The following DRC4 variants were observed in gnomAD, a reference collection of about 807,000 sequenced individuals.
DRC4 encodes the protein dynein regulatory complex subunit 4.
chr16:90,022,483 C>G, the DRC4 span: 1 of 451,400 alleles, frequency 2.2e-6, no homozygotes, highest in Non-Finnish European at 3.9e-6. Context: ...AAAACATGCC[C>G]TGCAGCGAAA....
chr16:90,028,173 A>ATTTTTTTTTTTTTTTTTTTTTTTTTTTT, the DRC4 span, among the ~76,000 whole-genome samples: 1 of 63,836 alleles, frequency 1.6e-5, no homozygotes, highest in African/African-American at 6.8e-5. Flanking sequence ...TTAATCGTTC[A>ATTTTTTTTTTTTTTTTTTTTTTTTTTTT]TTTTTTTTTT....
At chr16:90,022,676 G>T in the DRC4 span, 15 of 1,418,214 alleles carry the variant, frequency 1.1e-5, no homozygotes, top group Admixed American at 7.7e-5. Flanking sequence ...TTCCGGGGGC[G>T]GGCGCCCTGG....
chr16:90,037,144 A>C, the DRC4 span: 4 of 1,341,306 alleles, frequency 3.0e-6, no homozygotes, highest in East Asian at 9.7e-5. Flanking sequence ...GGTGATGGGC[A>C]GGAGAGCACC....
At chr16:90,042,302 C>T in the DRC4 span, 1 of 670,446 alleles carries the variant, frequency 1.5e-6, no homozygotes, top group African/African-American at 1.8e-5. Flanking sequence ...GTTTTCTCTC[C>T]ACCCTTGGAG....
the DRC4 span, chr16:90,037,979 G>GCC: frequency 2.5e-6 from 2 of 804,328 alleles, no homozygotes; most frequent in Non-Finnish European, 4.2e-6. Context: ...CAGGGACGGG[G>GCC]CTCTCCTTGT....
At chr16:90,040,317 C>T in the DRC4 span, 833 of 1,590,618 alleles carry the variant, frequency 5.2e-4, 1 homozygote, top group African/African-American at 8.8e-3. Context: ...AGGAGCGGGA[C>T]GAGCTCTATC....
At chr16:90,026,150 A>G in the DRC4 span, among the ~76,000 whole-genome samples, 3 of 152,138 alleles carry the variant, frequency 2.0e-5, no homozygotes, top group Non-Finnish European at 2.9e-5. Context: ...ATGTAGACAC[A>G]GAAAAGCATG....
the DRC4 span, chr16:90,029,274 G>A: frequency 3.7e-5 from 51 of 1,366,336 alleles, no homozygotes; most frequent in Admixed American, 2.1e-4. Flanking sequence ...GCTTCTTCAG[G>A]GTCCAGGCAG....
At chr16:90,025,166 G>A in the DRC4 span, among the ~76,000 whole-genome samples, 2 of 150,846 alleles carry the variant, frequency 1.3e-5, no homozygotes, top group Admixed American at 6.6e-5. Context: ...ACAGGTGCCC[G>A]CCACCACGCC....
At chr16:90,031,114 C>A in the DRC4 span, 2 of 1,354,528 alleles carry the variant, frequency 1.5e-6, no homozygotes, top group Non-Finnish European at 2.0e-6. Flanking sequence ...AATTCTGCCA[C>A]CTGCTGAATG....
At chr16:90,042,332 C>T in the DRC4 span, 1 of 717,722 alleles carries the variant, frequency 1.4e-6, no homozygotes, top group South Asian at 1.5e-5. Flanking sequence ...TGCTGACAAC[C>T]CTGTGTGGAT....
At chr16:90,040,486 A>AC in the DRC4 span, 3 of 1,605,204 alleles carry the variant, frequency 1.9e-6, no homozygotes, top group African/African-American at 4.0e-5. Context: ...TGCAGCCCTG[A>AC]CGCTGGTGTC....
the DRC4 span, among the ~76,000 whole-genome samples, chr16:90,026,273 G>A: frequency 6.6e-6 from 1 of 152,138 alleles, no homozygotes; most frequent in Non-Finnish European, 1.5e-5. Flanking sequence ...GGTGTCATGC[G>A]TGGTTTCAGC....
chr16:90,035,718 G>C, the DRC4 span: 1 of 1,614,164 alleles, frequency 6.2e-7, no homozygotes, highest in South Asian at 1.1e-5. Context: ...TTGTGTAGGT[G>C]CCAGAGACAC....
At chr16:90,035,103 A>G in the DRC4 span, among the ~76,000 whole-genome samples, 1 of 151,892 alleles carries the variant, frequency 6.6e-6, no homozygotes, top group East Asian at 1.9e-4. Context: ...GGGTTTCTCC[A>G]TGTTGGTCAG....
At chr16:90,025,478 G>A in the DRC4 span, among the ~76,000 whole-genome samples, 21,203 of 150,168 alleles carry the variant, frequency 0.14, 2,432 homozygotes, top group East Asian at 0.61. Flanking sequence ...GTGAAACCCC[G>A]TCTCTACTAA....
At chr16:90,029,283 A>C in the DRC4 span, 8 of 1,366,396 alleles carry the variant, frequency 5.9e-6, no homozygotes, top group South Asian at 4.5e-5. Flanking sequence ...GGGTCCAGGC[A>C]GGTGGGGAGG....
At chr16:90,036,642 C>CT in the DRC4 span, 1 of 1,482,734 alleles carries the variant, frequency 6.7e-7, no homozygotes. Flanking sequence ...AGAATGTGGG[C>CT]TGCAGAGTCC....
At chr16:90,043,112 C>T in the DRC4 span, 9 of 1,434,176 alleles carry the variant, frequency 6.3e-6, no homozygotes, top group East Asian at 2.3e-5. Context: ...GATGCTCACG[C>T]TGCCCCTCCA....
Sources: gnomAD v4.1 joint callset for allele counts (sites outside exome capture counted in the v4.1 genomes callset) on GRCh38, gnomAD v4.1.1 for gene constraint, MANE v1.5 for transcripts, NCBI Gene and HGNC (gene_info 2026-07-23, HGNC 2026-07-21) for gene names.